CSMD3: variants seen among roughly 807,000 people sequenced by gnomAD.
CSMD3 encodes the protein CUB and sushi domain-containing protein 3.
A neutral mutation model predicts 435.2 loss-of-function variants in CSMD3; 177 were observed. The ratio of observed to expected loss-of-function variants is 0.41; its 90% confidence interval spans 0.36 to 0.46. The LOEUF (loss-of-function observed/expected upper bound fraction) is 0.46. CSMD3 is among the 20% of genes least tolerant of loss of function. CSMD3 has a pLI of 0.34. For synonymous variants in CSMD3, 1,656 were observed against 1,520.5 expected (o/e 1.09, Z -2.07); for missense variants, 4,265 against 4,504.6 (o/e 0.95, Z 1.52).
At chr8:112,574,173 A>G (rs1829757506) in intron 23 of CSMD3, among the ~76,000 whole-genome samples, 1 of 152,000 alleles carries the variant, frequency 6.6e-6, no homozygotes, top group African/African-American at 2.4e-5. Context: ...GCTTTTAGAA[A>G]CTAATTTAAT....
intron 1 of CSMD3, among the ~76,000 whole-genome samples, chr8:113,355,749 T>TATATATATACATATATAC (rs1357514892): frequency 2.5e-5 from 2 of 81,316 alleles, no homozygotes; most frequent in African/African-American, 1.1e-4. Flanking sequence ...TATATATATA[T>TATATATATACATATATAC]ACACACACAC....
chr8:113,395,012 A>C (rs1228025966), intron 1 of CSMD3, among the ~76,000 whole-genome samples: 1 of 152,196 alleles, frequency 6.6e-6, no homozygotes, highest in East Asian at 1.9e-4. Context: ...TTCTTTTAAA[A>C]ATGCCATAAA....
intron 18 of CSMD3, among the ~76,000 whole-genome samples, chr8:112,655,363 T>C (rs1375825255): frequency 6.6e-6 from 1 of 152,066 alleles, no homozygotes; most frequent in Non-Finnish European, 1.5e-5. Context: ...CAAAAGTGCA[T>C]TTCACGTAAA....
chr8:112,945,586 ATATG>A (rs1438419931), intron 9 of CSMD3, among the ~76,000 whole-genome samples: 2 of 100,482 alleles, frequency 2.0e-5, no homozygotes, highest in East Asian at 3.0e-4. Flanking sequence ...GAATACAGAA[ATATG>A]TGTGTGTGTG....
intron 4 of CSMD3, among the ~76,000 whole-genome samples, chr8:113,168,546 A>AC (rs2092205769): frequency 6.7e-6 from 1 of 148,748 alleles, no homozygotes; most frequent in Non-Finnish European, 1.5e-5. Flanking sequence ...AAAAAAAAAA[A>AC]ACTACAGATT....
At chr8:112,321,953 G>A (rs1425275709) in intron 45 of CSMD3, among the ~76,000 whole-genome samples, 1 of 152,064 alleles carries the variant, frequency 6.6e-6, no homozygotes, top group Non-Finnish European at 1.5e-5. Context: ...GGGGTACAGT[G>A]ATAAAGAAAA....
At chr8:112,763,277 A>G (rs2077889437) in intron 13 of CSMD3, among the ~76,000 whole-genome samples, 1 of 151,568 alleles carries the variant, frequency 6.6e-6, no homozygotes, top group South Asian at 2.1e-4. Flanking sequence ...GACTTGGACA[A>G]GTTAAGCTTA....
chr8:112,825,493 G>C (rs1226644462), intron 12 of CSMD3, among the ~76,000 whole-genome samples: 1 of 152,156 alleles, frequency 6.6e-6, no homozygotes, highest in Non-Finnish European at 1.5e-5. Flanking sequence ...CTGACCCTCA[G>C]ATGGGGTTTC....
chr8:113,325,150 G>C (rs945059715), intron 1 of CSMD3, among the ~76,000 whole-genome samples: 1 of 152,196 alleles, frequency 6.6e-6, no homozygotes, highest in African/African-American at 2.4e-5. Flanking sequence ...ACGGACTTCT[G>C]AGTTAATGCT....
intron 12 of CSMD3, among the ~76,000 whole-genome samples, chr8:112,816,038 A>G (rs151031244): frequency 2.7e-4 from 41 of 152,246 alleles, no homozygotes; most frequent in African/African-American, 9.6e-4. Flanking sequence ...AGTGGTATCA[A>G]TGAGTGCTAA....
chr8:112,515,403 T>A (rs1324048331), intron 28 of CSMD3, among the ~76,000 whole-genome samples: 1 of 152,156 alleles, frequency 6.6e-6, no homozygotes. Flanking sequence ...AGTTTTAATT[T>A]AGTTGAAAAT....
At chr8:113,254,170 A>G (rs368852496) in intron 3 of CSMD3, among the ~76,000 whole-genome samples, 4 of 86,668 alleles carry the variant, frequency 4.6e-5, no homozygotes, top group East Asian at 9.7e-4. Flanking sequence ...TCTGTGATAC[A>G]GAAGCAAAAA....
chr8:112,640,902 C>A (rs2074805828), intron 20 of CSMD3, among the ~76,000 whole-genome samples: 1 of 151,918 alleles, frequency 6.6e-6, no homozygotes, highest in South Asian at 2.1e-4. Context: ...ATCATGTATA[C>A]TATATTATTT....
In CSMD3 at chr8:112,228,833, A is replaced by C. The variant is rs1812816120; in HGVS notation, c.10887T>G (p.Ser3629Arg). The stretch of plus-strand genomic sequence containing the variant: ...GCACAAGAATAGCAATGGCTACAGA[A>C]CTACTATTTGTACCATGAGGTTGAT... ...SSNQPHGTNSSSVAIAILVPF... is the reference protein window; with the variant it reads ...SSNQPHGTNSRSVAIAILVPF... Residue 3629 changes from serine (S) to arginine (R), a missense_variant, in exon 70 of 71, where the codon AGT (serine) becomes AGG (arginine). Transcript: ENST00000297405. The C allele has an allele frequency of 6.3e-7, 1 of 1,590,656 alleles. No homozygotes were observed. Among genetic ancestry groups the C allele is most frequent in the African/African-American group, 1.3e-5 (1 of 74,172 alleles).
intron 18 of CSMD3, among the ~76,000 whole-genome samples, chr8:112,651,028 A>C (rs1209609691): frequency 1.3e-5 from 2 of 152,146 alleles, no homozygotes; most frequent in Non-Finnish European, 2.9e-5. Context: ...TTTTAGAAAC[A>C]TTCCTGGCCC....
At chr8:112,696,249 A>C (rs1215035344) in intron 13 of CSMD3, among the ~76,000 whole-genome samples, 2 of 152,146 alleles carry the variant, frequency 1.3e-5, no homozygotes, top group Non-Finnish European at 2.9e-5. Flanking sequence ...GGAACCAAAA[A>C]AGGGTCTGCA....
At chr8:113,220,117 C>T (rs1405282188) in intron 3 of CSMD3, among the ~76,000 whole-genome samples, 1 of 151,360 alleles carries the variant, frequency 6.6e-6, no homozygotes, top group Admixed American at 6.6e-5. Flanking sequence ...TAATAAAATA[C>T]TCTGTTAGTG....
At chr8:113,378,011 A>C (rs1160604352) in intron 1 of CSMD3, among the ~76,000 whole-genome samples, 1 of 152,218 alleles carries the variant, frequency 6.6e-6, no homozygotes, top group Non-Finnish European at 1.5e-5. Flanking sequence ...AAATACACAA[A>C]TAAATAAGGC....
chr8:112,492,931 G>A (rs888346883), intron 30 of CSMD3, among the ~76,000 whole-genome samples: 9 of 151,950 alleles, frequency 5.9e-5, no homozygotes, highest in African/African-American at 1.9e-4. Flanking sequence ...TAATGTATGT[G>A]GGAGGATGTA....
Sources: gnomAD v4.1 joint callset for allele counts (sites outside exome capture counted in the v4.1 genomes callset) on GRCh38, gnomAD v4.1.1 for gene constraint, MANE v1.5 for transcripts, NCBI Gene and HGNC (gene_info 2026-07-23, HGNC 2026-07-21) for gene names.